Variants in PLPPR1 observed in about 807,000 individuals in gnomAD.
PLPPR1 encodes phospholipid phosphatase-related protein type 1.
In PLPPR1, 10 loss-of-function variants were observed where a neutral mutation model predicts 33.1. That is an observed-to-expected ratio of 0.30 (90% confidence interval 0.19 to 0.51). The LOEUF (loss-of-function observed/expected upper bound fraction) is 0.51. PLPPR1 is among the 20% of genes least tolerant of loss of function. The pLI is 0.97. For synonymous variants in PLPPR1, 151 were observed against 151.0 expected, an observed-to-expected ratio of 1.00 and a Z score of 0.00; for missense variants, 304 against 408.1, an observed-to-expected ratio of 0.74 and a Z score of 2.20.
Position 101,325,086 on chromosome 9 carries a change from T to C in PLPPR1, c.*1029T>C, listed in dbSNP as rs959661266. 33 of 152,340 alleles carry C rather than the reference T, an allele frequency of 2.2e-4. No individual in the cohort carries two copies. Among genetic ancestry groups the C allele is most frequent in the Middle Eastern group, 3.4e-3 (1 of 294 alleles). The allele number at this position is 152,340 out of a possible 1,614,324, so 9.4% of individuals were successfully genotyped here. A position where few individuals can be genotyped will look rare whatever the true frequency, so the allele number is the denominator to read the frequency against. On this transcript the variant is annotated 3_prime_UTR_variant, in exon 8 of 8. Transcript: ENST00000374874. ...CATGTTGGCTCTTCTCAGCTTTTTT[T>C]GTACATATTTTTTTTTTCTAAAGAG...
At chr9:101,137,918 T>C (rs1831397391) in intron 1 of PLPPR1, among the ~76,000 whole-genome samples, 1 of 152,196 alleles carries the variant, frequency 6.6e-6, no homozygotes, top group African/African-American at 2.4e-5. Flanking sequence ...TCACAAATAA[T>C]AAGCAAGTGG....
At chr9:101,036,618 G>C (rs1482820962) in intron 1 of PLPPR1, among the ~76,000 whole-genome samples, 1 of 150,382 alleles carries the variant, frequency 6.6e-6, no homozygotes, top group Non-Finnish European at 1.5e-5. Flanking sequence ...TTATGGCACT[G>C]CTGGCCTGTT....
At chr9:101,203,391 C>T (rs1041821484) in intron 2 of PLPPR1, among the ~76,000 whole-genome samples, 1 of 152,100 alleles carries the variant, frequency 6.6e-6, no homozygotes, top group African/African-American at 2.4e-5. Flanking sequence ...CCTTTGGAAA[C>T]AGTGCTGGGC....
chr9:101,232,871 T>C (rs1264570885), intron 2 of PLPPR1, among the ~76,000 whole-genome samples: 4 of 152,008 alleles, frequency 2.6e-5, no homozygotes, highest in Admixed American at 2.6e-4. Flanking sequence ...TGTCCGGTTG[T>C]TCATAGGTAC....
chr9:101,121,451 G>A (rs569447356), intron 1 of PLPPR1, among the ~76,000 whole-genome samples: 11 of 152,250 alleles, frequency 7.2e-5, no homozygotes, highest in African/African-American at 2.6e-4. Flanking sequence ...TCTTTTCAAC[G>A]CACCAGGCCA....
intron 2 of PLPPR1, among the ~76,000 whole-genome samples, chr9:101,237,954 T>TAC (rs1168931221): frequency 3.1e-5 from 4 of 127,578 alleles, no homozygotes; most frequent in African/African-American, 3.0e-5. Context: ...TATATATATA[T>TAC]ACACACACAC....
intron 4 of PLPPR1, among the ~76,000 whole-genome samples, chr9:101,301,300 C>G (rs1828748157): frequency 2.6e-5 from 4 of 152,064 alleles, no homozygotes; most frequent in Admixed American, 2.6e-4. Context: ...TATATCTTTC[C>G]TGCATTTAAA....
At chr9:101,115,000 C>T (rs767893331) in intron 1 of PLPPR1, among the ~76,000 whole-genome samples, 7 of 152,298 alleles carry the variant, frequency 4.6e-5, no homozygotes, top group African/African-American at 1.2e-4. Context: ...TTATGTTTCT[C>T]AGCATAGTGT....
chr9:101,102,502 T>A (rs1350825548), intron 1 of PLPPR1, among the ~76,000 whole-genome samples: 1 of 91,092 alleles, frequency 1.1e-5, no homozygotes, highest in African/African-American at 5.1e-5. Flanking sequence ...TGCATAATAT[T>A]CCATGGTGTA....
intron 1 of PLPPR1, among the ~76,000 whole-genome samples, chr9:101,046,478 C>T (rs1243159471): frequency 1.5e-5 from 2 of 133,216 alleles, no homozygotes; most frequent in Non-Finnish European, 3.1e-5. Context: ...CTCGCCATGT[C>T]GCCCAGGCTT....
intron 1 of PLPPR1, among the ~76,000 whole-genome samples, chr9:101,119,959 C>T (rs1006813918): frequency 2.0e-5 from 3 of 152,210 alleles, no homozygotes; most frequent in Non-Finnish European, 2.9e-5. Flanking sequence ...ACTCAACAGC[C>T]TCACTAGTGG....
intron 6 of PLPPR1, among the ~76,000 whole-genome samples, chr9:101,314,159 C>G (rs985916997): frequency 6.6e-6 from 1 of 152,142 alleles, no homozygotes; most frequent in African/African-American, 2.4e-5. Context: ...GAAGCCTCCC[C>G]AAGGAGAAAG....
chr9:101,152,031 C>T (rs1352325998), intron 1 of PLPPR1, among the ~76,000 whole-genome samples: 1 of 152,194 alleles, frequency 6.6e-6, no homozygotes, highest in Admixed American at 6.5e-5. Context: ...AAAAGTGTTC[C>T]TATTTCTCCA....
intron 1 of PLPPR1, among the ~76,000 whole-genome samples, chr9:101,136,666 C>T (rs1285843489): frequency 1.3e-5 from 2 of 152,034 alleles, no homozygotes; most frequent in African/African-American, 2.4e-5. Flanking sequence ...ACTTTATGTA[C>T]GGAAGCATGT....
At chr9:101,131,609 A>C (rs1831315106) in intron 1 of PLPPR1, 1 of 152,228 alleles carries the variant, frequency 6.6e-6, no homozygotes, top group Non-Finnish European at 1.5e-5. Context: ...GCTCTCCCTC[A>C]GACGCCAACA....
intron 1 of PLPPR1, among the ~76,000 whole-genome samples, chr9:101,081,113 C>T (rs1228533064): frequency 6.6e-6 from 1 of 152,180 alleles, no homozygotes; most frequent in Non-Finnish European, 1.5e-5. Context: ...AGATTATTGT[C>T]TCCTCTCCCA....
intron 2 of PLPPR1, 193 bp from the exon 3 acceptor site, chr9:101,269,687 T>G: frequency 1.6e-6 from 1 of 611,152 alleles, no homozygotes; most frequent in South Asian, 1.9e-5. Flanking sequence ...TGCTGGAAGG[T>G]TTATAGAACA....
At chr9:101,086,414 A>G (rs1830676551) in intron 1 of PLPPR1, among the ~76,000 whole-genome samples, 3 of 152,190 alleles carry the variant, frequency 2.0e-5, no homozygotes, top group Admixed American at 2.0e-4. Flanking sequence ...TGATGGGTCA[A>G]AATGATTGGA....
At chr9:101,294,687 AC>A (rs1273794473) in intron 4 of PLPPR1, among the ~76,000 whole-genome samples, 1 of 152,202 alleles carries the variant, frequency 6.6e-6, no homozygotes, top group Non-Finnish European at 1.5e-5. Context: ...TATAAACAGA[AC>A]CAAAGACAAA....
Sources: gnomAD v4.1 joint callset for allele counts (sites outside exome capture counted in the v4.1 genomes callset) on GRCh38, gnomAD v4.1.1 for gene constraint, MANE v1.5 for transcripts, NCBI Gene and HGNC (gene_info 2026-07-23, HGNC 2026-07-21) for gene names.